The following DYNC1H1 variants were observed in gnomAD, a reference collection of about 807,000 sequenced individuals.
DYNC1H1 encodes cytoplasmic dynein 1 heavy chain 1.
Under a neutral mutation model 527.1 loss-of-function variants are expected in DYNC1H1, and 51 were observed. The observed-to-expected ratio is 0.10, with a 90% CI of 0.08 to 0.12. The LOEUF is 0.12. DYNC1H1 is among the 10% of genes least tolerant of loss of function. The pLI is 1.00. For missense variants in DYNC1H1, 2,771 were observed against 5,971.8 expected, an observed-to-expected ratio of 0.46 and a Z score of 17.66; for synonymous variants, 2,189 against 2,278.8, an observed-to-expected ratio of 0.96 and a Z score of 1.12.
rs753522560 is a variant in DYNC1H1 at position 101,986,580 on chromosome 14, T to C, written c.2355T>C (p.Val785=). ...TTGCCATCTCACTGATCGAGAGCGT[T>C]CGTACCTATGAACGGACCTGCGAGA... The part of the protein sequence containing the change: ...YPFAISLIES[V]RTYERTCEKV... Residue 785 remains valine, a synonymous_variant, in exon 8 of 78, where the codon GTT becomes GTC. Transcript: ENST00000360184. This position sits in a 1 kb window ranked among gnomAD's most constrained non-coding sequence, Gnocchi z 8.7. 4 of 1,614,106 alleles carry C rather than the reference T, an allele frequency of 2.5e-6. No homozygotes were observed. The highest frequency in any genetic ancestry group is 3.4e-6 in the Non-Finnish European group (4 of 1,179,994).
intron 51 of DYNC1H1, 70 bp downstream of exon 51, chr14:102,030,352 G>A: frequency 1.2e-6 from 2 of 1,611,240 alleles, no homozygotes; most frequent in Non-Finnish European, 1.7e-6. Context: ...GTGGAGTTCA[G>A]GTCACTGAAC....
chr14:102,021,957 G>A (rs1033884913), intron 42 of DYNC1H1, among the ~76,000 whole-genome samples: 13 of 151,976 alleles, frequency 8.6e-5, no homozygotes, highest in African/African-American at 2.9e-4. Flanking sequence ...CCAGCATAGC[G>A]AAACCCCATC....
chr14:101,998,879 C>CTTTTTTTTTTGTTTTTTTTTTTTGTT (rs1470140199), intron 16 of DYNC1H1, among the ~76,000 whole-genome samples: 1 of 115,220 alleles, frequency 8.7e-6, no homozygotes, highest in African/African-American at 3.8e-5. Context: ...AAAACTTTTT[C>CTTTTTTTTTTGTTTTTTTTTTTTGTT]TTTTTTTTTT....
chr14:102,032,804 G>A, intron 52 of DYNC1H1: 1 of 568,214 alleles, frequency 1.8e-6, no homozygotes, highest in Non-Finnish European at 3.1e-6. Flanking sequence ...AGTGAACCGA[G>A]ATCACACCAC....
At chr14:101,991,813 A>T in intron 11 of DYNC1H1, 140 bp downstream of exon 11, 2 of 1,279,906 alleles carry the variant, frequency 1.6e-6, no homozygotes, top group Non-Finnish European at 1.1e-6. Flanking sequence ...AAAGTTAGGG[A>T]GGCTTTTTGT....
Position 102,038,133 on chromosome 14 carries a change from C to T in DYNC1H1, c.10909-327C>T, listed in dbSNP as rs2048599362. On this transcript the variant is annotated intron_variant, in intron 57 of 77. Coordinates refer to ENST00000360184, the MANE Select transcript of DYNC1H1 (RefSeq NM_001376.5). This position sits in a 1 kb window ranked among gnomAD's most constrained non-coding sequence, Gnocchi z 7.2. ...GCTGGGACTACAGGCATGTGCCATA[C>T]ACCCCCAGCTAACTTTCGTATTTTT... 2.6e-6 allele frequency: 1 copy of T among 380,876 alleles called. No individual in the cohort carries two copies. Among genetic ancestry groups the T allele is most frequent in the South Asian group, 2.1e-5 (1 of 47,774 alleles). 23.6% of individuals were successfully genotyped at this position (380,876 alleles called of 1,614,324 possible). A position where few individuals can be genotyped will look rare whatever the true frequency, so the allele number is the denominator to read the frequency against.
At position 102,033,489 on chromosome 14, in the gene DYNC1H1, G is replaced by T. The variant is rs1200171803; in HGVS notation, c.10413+5G>T. Reference sequence around the variant, plus strand: ...CTGGCAGCTGTCGAGGCAAAAGTAAGATTATCATCATTGATCCTCAGCCTT... The same window carrying T: ...CTGGCAGCTGTCGAGGCAAAAGTAATATTATCATCATTGATCCTCAGCCTT... On this transcript the variant is annotated splice_donor_5th_base_variant and intron_variant, in intron 54 of 77. Coordinates refer to ENST00000360184, the MANE Select transcript of DYNC1H1 (RefSeq NM_001376.5). This position sits in a 1 kb window ranked among gnomAD's most constrained non-coding sequence, Gnocchi z 5.6. 6.2e-7 allele frequency: 1 copy of T among 1,613,950 alleles called. No individual in the cohort carries two copies. Among genetic ancestry groups the T allele is most frequent in the East Asian group, 2.2e-5 (1 of 44,882 alleles).
Position 102,001,123 on chromosome 14 carries a change from A to G in DYNC1H1, c.4186-22A>G. The G allele has an allele frequency of 2.5e-6, 4 of 1,614,112 alleles. No homozygotes were observed. The East Asian group carries it at 8.9e-5, about 36-fold the overall frequency. ...CATTAGAAACGCACCTGCACAGATCACTTTGTTTACTTTCTCCACAGATAA... is the reference window on the plus strand; with the variant it reads ...CATTAGAAACGCACCTGCACAGATCGCTTTGTTTACTTTCTCCACAGATAA... On this transcript the variant is annotated intron_variant, in intron 19 of 77. Coordinates refer to ENST00000360184, the MANE Select transcript of DYNC1H1 (RefSeq NM_001376.5). The surrounding 1 kb of genome is among the most constrained non-coding windows in gnomAD (Gnocchi z 5.0).
In DYNC1H1 at chr14:102,007,949, G is replaced by C. The variant is rs7148205; in HGVS notation, c.5818-229G>C. ...GGCCTTTCCTCGGGATACATGCAGG[G>C]AGAGCGCTCTGGTTCCTCCTCCTCT... On this transcript the variant is annotated intron_variant, in intron 28 of 77. Coordinates refer to ENST00000360184, the MANE Select transcript of DYNC1H1 (RefSeq NM_001376.5). Among the ~76,000 whole-genome samples the C allele has an allele frequency of 0.15, 22,822 of 152,188 alleles. 1,945 individuals are homozygous for C. The highest frequency in any genetic ancestry group is 0.24 in the East Asian group (1,238 of 5,180).
At chr14:101,980,110 C>A in intron 4 of DYNC1H1, 136 bp downstream of exon 4, 1 of 1,382,976 alleles carries the variant, frequency 7.2e-7, no homozygotes, top group Non-Finnish European at 1.0e-6. Context: ...CTGGGACTGT[C>A]CAGTGCAGGA....
Position 102,008,353 on chromosome 14 carries a change from T to C in DYNC1H1, c.5977+16T>C, listed in dbSNP as rs1448475792. On this transcript the variant is annotated intron_variant, in intron 29 of 77. Transcript: ENST00000360184. ...TACGACAAGAGTAAGACACCTCTTC[T>C]TCAAAAATTACTTAGAGAATGTAGA... 6.2e-7 allele frequency: 1 copy of C among 1,613,766 alleles called. No homozygotes were observed. The highest frequency in any genetic ancestry group is 8.5e-7 in the Non-Finnish European group (1 of 1,179,928).
chr14:102,008,048 T>TA, intron 28 of DYNC1H1, 130 bp from the exon 29 acceptor site: 2 of 1,317,618 alleles, frequency 1.5e-6, no homozygotes, highest in Non-Finnish European at 2.1e-6. Context: ...GTTATGTCCT[T>TA]ACACGCTCTT....
chr14:101,998,239 A>C (rs551316353), intron 16 of DYNC1H1, among the ~76,000 whole-genome samples: 5 of 149,886 alleles, frequency 3.3e-5, no homozygotes, highest in African/African-American at 9.9e-5. Context: ...TGATCCGATA[A>C]TACAAACGCC....
chr14:101,988,791 T>G lies in DYNC1H1; in HGVS notation c.2807T>G (p.Val936Gly), dbSNP rs2047964203. 6.2e-7 allele frequency: 1 copy of G among 1,614,082 alleles called. No individual in the cohort carries two copies. Among genetic ancestry groups the G allele is most frequent in the Non-Finnish European group, 8.5e-7 (1 of 1,180,036 alleles). The change falls in exon 10 of 78, where the codon GTT becomes GGT. Residue 936 changes from valine (V) to glycine (G), a missense_variant. Around this residue, in one of 32 missense-constraint regions of DYNC1H1, gnomAD observed 179 missense variants for 349.4 expected, o/e 0.51. Transcript: ENST00000360184. ...LLGQAEDKAE[V>G]DMDTDAPQVS... The stretch of plus-strand genomic sequence containing the variant: ...GGACAAGCTGAAGATAAAGCAGAAG[T>G]TGACATGGACACAGATGCTCCACAA...
chr14:102,040,127 G>A (rs1304823043), intron 62 of DYNC1H1, 109 bp from the exon 63 acceptor site: 3 of 1,460,790 alleles, frequency 2.1e-6, no homozygotes, highest in African/African-American at 1.4e-5. Flanking sequence ...TTATAGGCCT[G>A]AGCCACTGTG....
intron 23 of DYNC1H1, among the ~76,000 whole-genome samples, chr14:102,003,479 C>G (rs2048155627): frequency 6.6e-6 from 1 of 152,082 alleles, no homozygotes; most frequent in Non-Finnish European, 1.5e-5. Context: ...TCAGACTTGT[C>G]TAGAACTTCT....
chr14:101,987,784 C>G (rs1037884510), intron 9 of DYNC1H1, 152 bp downstream of exon 9: 3 of 972,362 alleles, frequency 3.1e-6, no homozygotes, highest in Admixed American at 2.0e-5. Context: ...AGTGATAGAA[C>G]TGAATTGTGG....
intron 5 of DYNC1H1, 97 bp downstream of exon 5, chr14:101,980,647 A>T: frequency 7.1e-7 from 1 of 1,411,288 alleles, no homozygotes. Context: ...GTTTTCACAG[A>T]TGTACTGTCG....
intron 42 of DYNC1H1, among the ~76,000 whole-genome samples, chr14:102,021,522 TAGG>T (rs961200853): frequency 6.6e-6 from 1 of 152,188 alleles, no homozygotes; most frequent in African/African-American, 2.4e-5. Context: ...GTAGCCTGCA[TAGG>T]AGATCTTACA....
Sources: gnomAD v4.1 joint callset for allele counts (sites outside exome capture counted in the v4.1 genomes callset) on GRCh38, gnomAD v4.1.1 for gene constraint, gnomAD v4.1.1 regional missense constraint, Gnocchi (gnomAD v3.1) non-coding constraint, MANE v1.5 for transcripts, NCBI Gene and HGNC (gene_info 2026-07-23, HGNC 2026-07-21) for gene names.